DPYSL4: variants seen among roughly 807,000 people sequenced by gnomAD.
DPYSL4 encodes the protein dihydropyrimidinase like 4, also known as dihydropyrimidinase-related protein 4.
A neutral mutation model predicts 63.4 loss-of-function variants in DPYSL4; 43 were observed. The ratio of observed to expected loss-of-function variants is 0.68; its 90% CI spans 0.53 to 0.88. The LOEUF is 0.88. DPYSL4 is among the 40% of genes least tolerant of loss of function. The pLI is 0.00. For synonymous variants in DPYSL4, 353 were observed against 331.7 expected (o/e 1.06, Z -0.70); for missense variants, 733 against 819.5 (o/e 0.89, Z 1.29).
intron 10 of DPYSL4, among the ~76,000 whole-genome samples, chr10:132,201,324 G>A (rs761084906): frequency 3.3e-5 from 5 of 152,096 alleles, no homozygotes; most frequent in African/African-American, 7.2e-5. Flanking sequence ...GTCGCACACC[G>A]CCCTGTCCTG....
At position 132,202,821 on chromosome 10, in the gene DPYSL4, A is replaced by G. The variant is rs1565046983; in HGVS notation, c.1457A>G (p.Asn486Ser). Residue 486 changes from asparagine (N) to serine (S), a missense_variant, in exon 12 of 14, where the codon AAC becomes AGC. Transcript: ENST00000338492. ...DFVYKRIKARNRLAEIHGVPR... is the reference protein window; with the variant it reads ...DFVYKRIKARSRLAEIHGVPR... ...GTCTACAAGAGGATCAAAGCTCGCAACAGGGTAGGGCGGCACCCGCAAGGG... is the reference window on the plus strand; with the variant it reads ...GTCTACAAGAGGATCAAAGCTCGCAGCAGGGTAGGGCGGCACCCGCAAGGG... 3 of 1,595,306 alleles carry G rather than the reference A, an allele frequency of 1.9e-6. No individual in the cohort carries two copies. The highest frequency in any genetic ancestry group is 2.2e-5 in the East Asian group (1 of 44,762).
At position 132,203,807 on chromosome 10, in the gene DPYSL4, G is replaced by A. The variant is rs766322788; in HGVS notation, c.1507G>A (p.Val503Ile). The change falls in exon 13 of 14, where the codon GTC becomes ATC. Residue 503 changes from valine (V) to isoleucine (I), a missense_variant. By Grantham distance (29) the Val-to-Ile change is conservative. Coordinates refer to ENST00000338492, the MANE Select transcript of DPYSL4 (RefSeq NM_006426.3). ...GCCCCGTGGACTGTATGACGGGCCC[G>A]TCCACGAGGTGATGGTGCCTGCCAA... ...GVPRGLYDGPVHEVMVPAKPG... is the reference protein window; with the variant it reads ...GVPRGLYDGPIHEVMVPAKPG... 13 of 1,612,538 alleles carry A rather than the reference G, an allele frequency of 8.1e-6. No individual in the cohort carries two copies. Among genetic ancestry groups the A allele is most frequent in the South Asian group, 2.2e-5 (2 of 91,052 alleles).
intron 4 of DPYSL4, among the ~76,000 whole-genome samples, chr10:132,195,916 C>G (rs973484881): frequency 6.6e-6 from 1 of 152,248 alleles, no homozygotes; most frequent in African/African-American, 2.4e-5. Flanking sequence ...GCTGGGGCCT[C>G]TGCTCCCCAA....
intron 2 of DPYSL4, among the ~76,000 whole-genome samples, chr10:132,191,242 A>C (rs11146237): frequency 8.0e-5 from 4 of 50,072 alleles, no homozygotes; most frequent in African/African-American, 1.7e-4. Context: ...GGCAGGTGCA[A>C]ATAGTTCCCA....
intron 6 of DPYSL4, among the ~76,000 whole-genome samples, chr10:132,197,345 T>C (rs2061959252): frequency 1.3e-5 from 2 of 152,218 alleles, no homozygotes; most frequent in South Asian, 4.1e-4. Flanking sequence ...TGATCAACAC[T>C]TCTTATCCAA....
intron 6 of DPYSL4, 103 bp from the exon 7 acceptor site, chr10:132,198,312 T>A (rs899896039): frequency 1.4e-5 from 16 of 1,153,008 alleles, no homozygotes; most frequent in South Asian, 7.0e-5. Flanking sequence ...GGCCTGGGGG[T>A]CCAGGACCAC....
At chr10:132,198,242 C>T (rs1016584909) in intron 6 of DPYSL4, among the ~76,000 whole-genome samples, 173 bp from the exon 7 acceptor site, 3 of 152,166 alleles carry the variant, frequency 2.0e-5, no homozygotes, top group Non-Finnish European at 4.4e-5. Context: ...GCAGGAATCA[C>T]ACCTCTCCAA....
rs1261237223 is a variant in DPYSL4, at chr10:132,194,929, G to A, written c.398G>A (p.Cys133Tyr). The A allele has an allele frequency of 6.2e-7, 1 of 1,612,376 alleles. No homozygotes were observed. The highest frequency in any genetic ancestry group is 8.5e-7 in the Non-Finnish European group (1 of 1,179,958). The change falls in exon 4 of 14, where the codon TGC becomes TAC. Residue 133 changes from cysteine (C) to tyrosine (Y), a missense_variant. By Grantham distance (194) the Cys-to-Tyr change is radical. Transcript: ENST00000338492. ...WRERADSAAC[C>Y]DYSLHVDITR... Reference sequence around the variant, plus strand: ...GAGCGGGCGGACAGCGCGGCCTGCTGCGACTACTCCCTGCACGTGGACATC... The same window carrying A: ...GAGCGGGCGGACAGCGCGGCCTGCTACGACTACTCCCTGCACGTGGACATC...
rs552011228 is a variant in DPYSL4, at chr10:132,201,183, A to AACAGGGGC, written c.1110+202_1110+209dup. The stretch of plus-strand genomic sequence containing the variant: ...CCCCTCCAGATGAGACTCCAACAGC[A>AACAGGGGC]ACAGGGGCAGCTGGTAGCCCCCCAC... On this transcript the variant is annotated intron_variant, in intron 10 of 13. Coordinates refer to ENST00000338492, the MANE Select transcript of DPYSL4 (RefSeq NM_006426.3). Among the ~76,000 whole-genome samples the AACAGGGGC allele has an allele frequency of 4.6e-5, 7 of 152,200 alleles. No individual in the cohort carries two copies. In the South Asian group the frequency reaches 1.5e-3, roughly 32 times the overall value.
Position 132,200,393 on chromosome 10 carries a change from G to A in DPYSL4, c.849G>A (p.Leu283=), listed in dbSNP as rs1317615202. 3 of 1,613,356 alleles carry A rather than the reference G, an allele frequency of 1.9e-6. No homozygotes were observed. Among genetic ancestry groups the A allele is most frequent in the African/African-American group, 2.7e-5 (2 of 74,902 alleles). The part of the protein sequence containing the change: ...VVFGEPITAS[L]GTDGSHYWSK... ...TTGGGGAGCCCATCACCGCCAGCCT[G>A]GGCACCGACGGTTCACACTACTGGA... is the stretch of plus-strand genomic sequence containing the variant. The change falls in exon 9 of 14, where the codon CTG becomes CTA. Residue 283 remains leucine (L), a synonymous_variant. Coordinates refer to ENST00000338492, the MANE Select transcript of DPYSL4 (RefSeq NM_006426.3).
At chr10:132,195,630 G>C (rs1347482267) in intron 4 of DPYSL4, among the ~76,000 whole-genome samples, 1 of 152,224 alleles carries the variant, frequency 6.6e-6, no homozygotes, top group Non-Finnish European at 1.5e-5. Flanking sequence ...CTACAGACCT[G>C]AAGGAGGCAG....
chr10:132,193,092 A>C (rs1379201702), intron 3 of DPYSL4, among the ~76,000 whole-genome samples: 1 of 151,968 alleles, frequency 6.6e-6, no homozygotes, highest in Admixed American at 6.6e-5. Context: ...ACGTGTGTCC[A>C]CTTGTTCTTC....
chr10:132,191,307 A>T (rs1421292835), intron 2 of DPYSL4, among the ~76,000 whole-genome samples: 1 of 141,036 alleles, frequency 7.1e-6, no homozygotes, highest in Non-Finnish European at 1.5e-5. Flanking sequence ...GTATGTTCCC[A>T]CCTCTTGTGT....
chr10:132,203,962 G>A lies in DPYSL4; in HGVS notation c.1627+35G>A, dbSNP rs777319279. The A allele has an allele frequency of 5.1e-6, 8 of 1,571,322 alleles. No individual in the cohort carries two copies. In the South Asian group the frequency reaches 8.2e-5, roughly 16 times the overall value. ...GCCTGGGGCACCAGTGGGGGTGAGG[G>A]GCTCTGCCGGAGCATCCAGGGCCTC... On this transcript the variant is annotated intron_variant, in intron 13 of 13. Coordinates refer to ENST00000338492, the MANE Select transcript of DPYSL4 (RefSeq NM_006426.3).
chr10:132,189,394 C>T (rs80016204), intron 1 of DPYSL4, among the ~76,000 whole-genome samples: 1,581 of 152,332 alleles, frequency 0.01, 27 homozygotes, highest in African/African-American at 0.036. Flanking sequence ...TCAGTGACAC[C>T]CTACTTTCTG....
In DPYSL4 at chr10:132,187,000, CGCCCG is replaced by C; in HGVS notation, c.-63_-59del. ...ACGCGTCCCGGCTCACGCGTCCCCC[CGCCCG>C]CCCGCCCGCCCGCCCGCCCCCGCTT... On this transcript the variant is annotated 5_prime_UTR_variant, in exon 1 of 14. Coordinates refer to ENST00000338492, the MANE Select transcript of DPYSL4 (RefSeq NM_006426.3). 1.8e-4 allele frequency: 2 copies of C among 11,124 alleles called. No homozygotes were observed. The allele number at this position is 11,124 out of a possible 1,614,324, so 0.7% of individuals were successfully genotyped here. A position where few individuals can be genotyped will look rare whatever the true frequency, so the allele number is the denominator to read the frequency against.
Position 132,190,741 on chromosome 10 carries a change from C to T in DPYSL4, c.40-6C>T, listed in dbSNP as rs779381002. 32 of 1,612,364 alleles carry T rather than the reference C, an allele frequency of 2.0e-5. No homozygotes were observed. The highest frequency in any genetic ancestry group is 4.0e-5 in the African/African-American group (3 of 74,924). On this transcript the variant is annotated splice_polypyrimidine_tract_variant and splice_region_variant and intron_variant, in intron 1 of 13. Transcript: ENST00000338492. ...GAGAAAAATTACCCTTTGTTGTTCC[C>T]GATAGAGTGACCGCCTTCTGATCAG...
chr10:132,192,526 T>G, intron 2 of DPYSL4, 132 bp from the exon 3 acceptor site: 1 of 1,422,136 alleles, frequency 7.0e-7, no homozygotes, highest in Non-Finnish European at 9.2e-7. Context: ...GTCCAGTGAG[T>G]GGCCGGCCGT....
Position 132,200,528 on chromosome 10 carries a change from A to G in DPYSL4, c.968+16A>G, listed in dbSNP as rs1488917571. On this transcript the variant is annotated intron_variant, in intron 9 of 13. Coordinates refer to ENST00000338492, the MANE Select transcript of DPYSL4 (RefSeq NM_006426.3). Reference sequence around the variant, plus strand: ...TGCTGTCCAGGTAAGCAGCCTCTCCAGGTGGCCCCAGGTTGGCCGCCCGCT... The same window carrying G: ...TGCTGTCCAGGTAAGCAGCCTCTCCGGGTGGCCCCAGGTTGGCCGCCCGCT... 6.2e-7 allele frequency: 1 copy of G among 1,611,760 alleles called. No individual in the cohort carries two copies. Among genetic ancestry groups the G allele is most frequent in the Non-Finnish European group, 8.5e-7 (1 of 1,179,536 alleles).
Sources: allele counts gnomAD v4.1 joint callset (sites outside exome capture counted in the v4.1 genomes callset), GRCh38; gene constraint gnomAD v4.1.1; transcripts MANE v1.5; gene names NCBI Gene and HGNC (gene_info 2026-07-23, HGNC 2026-07-21).